Variants in LRIF1 observed in about 807,000 individuals in gnomAD.
The protein encoded by LRIF1 is ligand-dependent nuclear receptor-interacting factor 1.
Under a neutral mutation model 52.7 loss-of-function variants are expected in LRIF1, and 32 were observed. The observed-to-expected ratio is 0.61, with a 90% confidence interval of 0.46 to 0.82. The LOEUF is 0.82. LRIF1 is among the 40% of genes least tolerant of loss of function. The pLI is 0.00. For synonymous variants in LRIF1, 323 were observed against 317.4 expected (o/e 1.02, Z -0.19); for missense variants, 887 against 892.0 (o/e 0.99, Z 0.07).
chr1:110,914,198 T>C, the LRIF1 span, among the ~76,000 whole-genome samples: 2 of 152,068 alleles, frequency 1.3e-5, no homozygotes, highest in African/African-American at 4.8e-5. Context: ...AAATGCCTAG[T>C]GAGTACTATG....
At chr1:110,899,363 C>G in the LRIF1 span, 1 of 548,210 alleles carries the variant, frequency 1.8e-6, no homozygotes, top group Admixed American at 3.3e-5. Context: ...CAGGCACATC[C>G]CATCTCAGGC....
At chr1:110,892,482 C>T in the LRIF1 span, 1 of 1,614,130 alleles carries the variant, frequency 6.2e-7, no homozygotes, top group Non-Finnish European at 8.5e-7. Context: ...TGGTAGTTGC[C>T]TTCCTGGGCT....
At chr1:110,962,714 A>G (rs760992414) in intron 1 of LRIF1, among the ~76,000 whole-genome samples, 2 of 152,180 alleles carry the variant, frequency 1.3e-5, no homozygotes, top group Non-Finnish European at 2.9e-5. Context: ...AGCAAAGTTG[A>G]GATTAACCCC....
At chr1:110,888,387 T>C in the LRIF1 span, among the ~76,000 whole-genome samples, 1 of 152,178 alleles carries the variant, frequency 6.6e-6, no homozygotes, top group East Asian at 1.9e-4. Context: ...TGCCAGGCTC[T>C]CCCTCTATGC....
the LRIF1 span, among the ~76,000 whole-genome samples, chr1:110,888,470 C>T: frequency 6.6e-6 from 1 of 152,200 alleles, no homozygotes; most frequent in African/African-American, 2.4e-5. Context: ...TTTCCCGTCT[C>T]TCATGGGTCC....
chr1:110,956,204 G>C (rs900907632), intron 1 of LRIF1, among the ~76,000 whole-genome samples: 3 of 152,162 alleles, frequency 2.0e-5, no homozygotes, highest in Non-Finnish European at 4.4e-5. Context: ...TATTAGAGTT[G>C]CCAGGATGTG....
the LRIF1 span, chr1:110,897,917 T>G: frequency 7.3e-7 from 1 of 1,374,384 alleles, no homozygotes; most frequent in Non-Finnish European, 1.0e-6. Context: ...ACAGGGTTAT[T>G]GTGAGGATTA....
At chr1:110,905,529 C>T in the LRIF1 span, among the ~76,000 whole-genome samples, 3 of 151,974 alleles carry the variant, frequency 2.0e-5, no homozygotes, top group African/African-American at 4.8e-5. Flanking sequence ...AATAGTATAA[C>T]CAGCAAAAAT....
the LRIF1 span, among the ~76,000 whole-genome samples, chr1:110,913,278 A>C: frequency 1.3e-5 from 2 of 152,238 alleles, no homozygotes; most frequent in Non-Finnish European, 2.9e-5. Flanking sequence ...AGATTTCATG[A>C]TAAAGTGCCC....
chr1:110,903,623 A>G, the LRIF1 span, among the ~76,000 whole-genome samples: 24 of 152,318 alleles, frequency 1.6e-4, no homozygotes, highest in Non-Finnish European at 2.6e-4. Flanking sequence ...CCAGCAGTGA[A>G]ACCAAGTTAC....
the LRIF1 span, among the ~76,000 whole-genome samples, chr1:110,890,077 C>G: frequency 6.6e-6 from 1 of 152,104 alleles, no homozygotes; most frequent in Non-Finnish European, 1.5e-5. Context: ...GAACTATTCC[C>G]TCAAGACCAT....
the LRIF1 span, among the ~76,000 whole-genome samples, chr1:110,904,921 T>A: frequency 6.6e-6 from 1 of 152,196 alleles, no homozygotes; most frequent in South Asian, 2.1e-4. Context: ...TTCTATCAGA[T>A]AAATTTAATG....
In LRIF1 at chr1:110,951,627, AC is replaced by A; in HGVS notation, c.1256del (p.Ser419IlefsTer22). The A allele has an allele frequency of 6.2e-7, 1 of 1,614,076 alleles. No homozygotes were observed. Among genetic ancestry groups the A allele is most frequent in the Non-Finnish European group, 8.5e-7 (1 of 1,180,008 alleles). ...ATTTTGTCTCCATCTGGGAAGATTT[AC>A]TTTTAGCCAAAACAATATTTACAAC... ...REVVNIVLAK[S>X]KSSQMETKSL... On this transcript the variant is annotated frameshift_variant, in exon 2 of 4. Coordinates refer to ENST00000369763, the MANE Select transcript of LRIF1 (RefSeq NM_018372.4). LOFTEE classifies it high-confidence loss of function.
At chr1:110,936,975 A>G in the LRIF1 span, 2 of 152,156 alleles carry the variant, frequency 1.3e-5, no homozygotes, top group East Asian at 3.8e-4. Flanking sequence ...GACAAAAACT[A>G]TCAGAAGAGA....
Position 110,951,779 on chromosome 1 carries a change from T to A in LRIF1, c.1105A>T (p.Lys369Ter), listed in dbSNP as rs1658489863. 6.2e-7 allele frequency: 1 copy of A among 1,612,606 alleles called. No homozygotes were observed. The highest frequency in any genetic ancestry group is 8.5e-7 in the Non-Finnish European group (1 of 1,180,018). Residue 369 changes from lysine to a stop codon, truncating the protein, a stop_gained, in exon 2 of 4, where the codon AAA (lysine) becomes TAA (stop). Transcript: ENST00000369763. LOFTEE classifies it high-confidence loss of function. ...GATGGCAGAACATCTGTCCCCTTTT[T>A]AGCCAACAGATAGACTTTCCCATTA... ...MFNGKVYLLA[K>*]KGTDVLPSQI...
At chr1:110,885,351 C>A in the LRIF1 span, among the ~76,000 whole-genome samples, 1 of 151,552 alleles carries the variant, frequency 6.6e-6, no homozygotes, top group African/African-American at 2.4e-5. Flanking sequence ...GAGATCGAGA[C>A]CACGGGGAAA....
chr1:110,884,646 C>T, the LRIF1 span, among the ~76,000 whole-genome samples: 7 of 151,310 alleles, frequency 4.6e-5, no homozygotes, highest in Admixed American at 4.6e-4. Context: ...GGTGCAAAAA[C>T]ACTTAGGATT....
chr1:110,891,332 T>G, the LRIF1 span: 1 of 1,155,276 alleles, frequency 8.7e-7, no homozygotes, highest in Non-Finnish European at 1.3e-6. Flanking sequence ...ATTTGTGCAC[T>G]CTGATCTCTG....
chr1:110,882,432 ATATT>A, the LRIF1 span, among the ~76,000 whole-genome samples: 1 of 152,020 alleles, frequency 6.6e-6, no homozygotes, highest in African/African-American at 2.4e-5. Context: ...TTCTCTTGAT[ATATT>A]TATTTAACAC....
Sources: gnomAD v4.1 joint callset for allele counts (sites outside exome capture counted in the v4.1 genomes callset) on GRCh38, gnomAD v4.1.1 for gene constraint, MANE v1.5 for transcripts, NCBI Gene and HGNC (gene_info 2026-07-23, HGNC 2026-07-21) for gene names.